The following KPNA7 variants were observed in gnomAD, a reference collection of about 807,000 sequenced individuals.
KPNA7 encodes karyopherin subunit alpha 7, also known as importin subunit alpha-8.
KPNA7 carries 54 observed loss-of-function variants against 53.7 expected under a neutral mutation model. That is an observed-to-expected ratio of 1.01 (90% CI 0.81 to 1.26). The LOEUF is 1.26. KPNA7 is among the 50% of genes most tolerant of loss of function. The pLI is 0.00. For missense variants in KPNA7, 640 were observed against 644.5 expected, an observed-to-expected ratio of 0.99 and a Z score of 0.07; for synonymous variants, 276 against 259.3, an observed-to-expected ratio of 1.06 and a Z score of -0.62.
At chr7:99,164,953 C>T in the KPNA7 span, among the ~76,000 whole-genome samples, 1 of 148,028 alleles carries the variant, frequency 6.8e-6, no homozygotes, top group East Asian at 2.1e-4. Flanking sequence ...AAAAAGTAGC[C>T]GGGTATGGCA....
At chr7:99,207,325 G>C (rs548484361) in intron 2 of KPNA7, 76 bp downstream of exon 2, 1 of 1,242,838 alleles carries the variant, frequency 8.0e-7, no homozygotes, top group Non-Finnish European at 1.2e-6. Context: ...GAGCCACCGC[G>C]CCTGGTCTCT....
At chr7:99,164,231 A>T in the KPNA7 span, among the ~76,000 whole-genome samples, 29,862 of 151,396 alleles carry the variant, frequency 0.2, 3,083 homozygotes, top group South Asian at 0.33. Context: ...AAGACTTGGA[A>T]CCAACCCAAA....
chr7:99,217,150 A>T (rs1446146818), intron 1 of KPNA7, among the ~76,000 whole-genome samples: 1 of 152,222 alleles, frequency 6.6e-6, no homozygotes, highest in Non-Finnish European at 1.5e-5. Flanking sequence ...TCAGAAATAT[A>T]TTGAACGTTA....
chr7:99,173,281 T>C (rs913242045), downstream of KPNA7, among the ~76,000 whole-genome samples: 4 of 152,064 alleles, frequency 2.6e-5, no homozygotes, highest in African/African-American at 9.7e-5. Context: ...ACCTCCGCCC[T>C]CCTGGGTTCA....
At chr7:99,182,968 C>T (rs1286088283) in intron 8 of KPNA7, among the ~76,000 whole-genome samples, 2 of 151,880 alleles carry the variant, frequency 1.3e-5, no homozygotes, top group Non-Finnish European at 2.9e-5. Context: ...ATTGAAATAT[C>T]GTTCAGGTCG....
chr7:99,161,261 CTCTCT>C, the KPNA7 span, among the ~76,000 whole-genome samples: 27 of 69,846 alleles, frequency 3.9e-4, no homozygotes, highest in African/African-American at 1.1e-3. Flanking sequence ...CTCTCTCTCT[CTCTCT>C]CTCTGATCAC....
chr7:99,205,622 G>A (rs771936650), intron 2 of KPNA7, among the ~76,000 whole-genome samples: 1 of 152,088 alleles, frequency 6.6e-6, no homozygotes, highest in Non-Finnish European at 1.5e-5. Context: ...GGCCAAGACA[G>A]GCAGATCACT....
intron 1 of KPNA7, among the ~76,000 whole-genome samples, chr7:99,216,826 T>C (rs972413473): frequency 3.5e-4 from 54 of 152,278 alleles, no homozygotes; most frequent in African/African-American, 1.3e-3. Flanking sequence ...CCTCCCAAAG[T>C]GCTGGGATTA....
chr7:99,193,119 T>C lies in KPNA7; in HGVS notation c.554-18A>G, dbSNP rs1790046860. 7.0e-7 allele frequency: 1 copy of C among 1,421,872 alleles called. No homozygotes were observed. The highest frequency in any genetic ancestry group is 9.3e-7 in the Non-Finnish European group (1 of 1,074,942). 88.1% of individuals were successfully genotyped at this position (1,421,872 alleles called of 1,614,324 possible). A position where few individuals can be genotyped will look rare whatever the true frequency, so the allele number is the denominator to read the frequency against. On this transcript the variant is annotated intron_variant, in intron 5 of 10. Transcript: ENST00000327442. ...GCCATCACCTACAAATAGAGCAGAA[T>C]GTGACATTTAGAGAGAGAACAAAGA...
the KPNA7 span, among the ~76,000 whole-genome samples, chr7:99,151,654 C>T: frequency 6.6e-6 from 1 of 151,750 alleles, no homozygotes; most frequent in Non-Finnish European, 1.5e-5. Flanking sequence ...ACAGGTTCTC[C>T]CTATGTTGCC....
chr7:99,185,008 A>G lies in KPNA7; in HGVS notation c.1055T>C (p.Val352Ala). ...QKEAAWALSN[V>A]AAGPCHHIQQ... ...GATGTGGTGACAAGGCCCCGCTGCTACGTTGCTCAGGGCCCAGGCTGCCTC... is the reference window on the plus strand; with the variant it reads ...GATGTGGTGACAAGGCCCCGCTGCTGCGTTGCTCAGGGCCCAGGCTGCCTC... Residue 352 changes from valine to alanine, a missense_variant, in exon 8 of 11, where the codon GTA becomes GCA. Val to Ala is a moderately conservative substitution (Grantham distance 64). Transcript: ENST00000327442. The G allele has an allele frequency of 1.3e-6, 2 of 1,551,894 alleles. No individual in the cohort carries two copies. The highest frequency in any genetic ancestry group is 1.7e-6 in the Non-Finnish European group (2 of 1,147,018).
intron 1 of KPNA7, among the ~76,000 whole-genome samples, chr7:99,218,770 C>T (rs1026366052): frequency 4.6e-5 from 7 of 152,234 alleles, no homozygotes; most frequent in African/African-American, 7.2e-5. Flanking sequence ...GAGGCACCTC[C>T]GTGGTGGAGA....
At chr7:99,203,668 C>T (rs1244549586) in intron 2 of KPNA7, among the ~76,000 whole-genome samples, 1 of 151,998 alleles carries the variant, frequency 6.6e-6, no homozygotes, top group Non-Finnish European at 1.5e-5. Flanking sequence ...TGCCCATGTC[C>T]TAGATGCCCT....
chr7:99,184,884 A>G, intron 8 of KPNA7, 45 bp downstream of exon 8: 1 of 1,486,532 alleles, frequency 6.7e-7, no homozygotes, highest in Non-Finnish European at 9.2e-7. Flanking sequence ...ACCCAGGGCT[A>G]TTGGAAAGTA....
At chr7:99,157,694 T>G in the KPNA7 span, among the ~76,000 whole-genome samples, 1 of 152,188 alleles carries the variant, frequency 6.6e-6, no homozygotes, top group Non-Finnish European at 1.5e-5. Flanking sequence ...CCTATGGATG[T>G]GATTCTAAAA....
intron 10 of KPNA7, among the ~76,000 whole-genome samples, chr7:99,176,319 AAG>A (rs1563063784): frequency 1.1e-3 from 54 of 51,202 alleles, no homozygotes; most frequent in Admixed American, 1.9e-3. Context: ...AAAAGAAAGA[AAG>A]AAAGAAAGAA....
At chr7:99,200,951 G>A (rs1169665494) in intron 3 of KPNA7, among the ~76,000 whole-genome samples, 2 of 152,190 alleles carry the variant, frequency 1.3e-5, no homozygotes, top group Non-Finnish European at 2.9e-5. Context: ...CTGGGTGACA[G>A]AGTGAGACTC....
In KPNA7 at chr7:99,188,339, CCT is replaced by C. The variant is rs1350199064; in HGVS notation, c.859_860del (p.Arg287AlafsTer29). ...CTGAGCTGGTCATGAGCACTACCAG[CCT>C]GGGCAGGACCCCCGTGTTAACCACT... ...GQVVNTGVLP[R>X]LVVLMTSSEL... On this transcript the variant is annotated frameshift_variant, in exon 7 of 11. Coordinates refer to ENST00000327442, the MANE Select transcript of KPNA7 (RefSeq NM_001145715.3). LOFTEE classifies it high-confidence loss of function. 1.3e-6 allele frequency: 2 copies of C among 1,551,578 alleles called. No individual in the cohort carries two copies. Among genetic ancestry groups the C allele is most frequent in the Non-Finnish European group, 1.7e-6 (2 of 1,146,986 alleles).
At chr7:99,193,568 G>C (rs1259969275) in intron 5 of KPNA7, among the ~76,000 whole-genome samples, 1 of 152,160 alleles carries the variant, frequency 6.6e-6, no homozygotes, top group African/African-American at 2.4e-5. Context: ...ACCATCAAAG[G>C]CAAGTCATCA....
Sources: allele counts gnomAD v4.1 joint callset (sites outside exome capture counted in the v4.1 genomes callset), GRCh38; gene constraint gnomAD v4.1.1; transcripts MANE v1.5; gene names NCBI Gene and HGNC (gene_info 2026-07-23, HGNC 2026-07-21).